The following ARHGAP35 variants were observed in gnomAD, a reference collection of about 807,000 sequenced individuals.
The protein encoded by ARHGAP35 is rho GTPase-activating protein 35.
ARHGAP35 carries 15 observed loss-of-function variants against 111.1 expected under a neutral mutation model. The ratio of observed to expected loss-of-function variants is 0.13; its 90% CI spans 0.09 to 0.21. The LOEUF is 0.21. ARHGAP35 is among the 10% of genes least tolerant of loss of function. The probability of loss-of-function intolerance (pLI) is 1.00; values close to 1 mark genes in which losing one functional copy is unlikely to be tolerated. For synonymous variants in ARHGAP35, 643 were observed against 710.3 expected (o/e 0.91, Z 1.51); for missense variants, 1,262 against 1,873.0 (o/e 0.67, Z 6.02).
intron 3 of ARHGAP35, among the ~76,000 whole-genome samples, chr19:46,974,694 T>C (rs2122301681): frequency 6.6e-6 from 1 of 152,210 alleles, no homozygotes; most frequent in Admixed American, 6.5e-5. Flanking sequence ...TCATTGGCCA[T>C]TGGTGATTGA....
rs187835369 is a variant in ARHGAP35, at chr19:46,916,769, C to A, written c.-188-1719C>A. On this transcript the variant is annotated intron_variant, in intron 1 of 6. Transcript: ENST00000672722. ...TCATGTGTTGTTAACAATTTACCACCCCATTTGTGTTCTTACTCTTTCTGT... is the reference window on the plus strand; with the variant it reads ...TCATGTGTTGTTAACAATTTACCACACCATTTGTGTTCTTACTCTTTCTGT... Among the ~76,000 whole-genome samples the A allele has an allele frequency of 2.4e-3, 369 of 151,914 alleles. 1 individual carries two copies. The highest frequency in any genetic ancestry group is 8.5e-3 in the African/African-American group (350 of 41,394).
At chr19:46,950,286 T>A (rs551662943) in intron 3 of ARHGAP35, among the ~76,000 whole-genome samples, 2 of 152,380 alleles carry the variant, frequency 1.3e-5, no homozygotes, top group East Asian at 3.9e-4. Flanking sequence ...TAGACTTTCA[T>A]CATGTGAATA....
rs2056686757 is a variant in ARHGAP35, at chr19:46,992,895, T to A, written c.4036+3220T>A. ...CTAGGTTACCAGGGGACGGCCCTGC[T>A]GCTCTCTGGGCTCTTGTTCACCAGC... On this transcript the variant is annotated intron_variant, in intron 5 of 6. Coordinates refer to ENST00000672722, the MANE Select transcript of ARHGAP35 (RefSeq NM_004491.5). This position sits in a 1 kb window ranked among gnomAD's most constrained non-coding sequence, Gnocchi z 4.4. Among the ~76,000 whole-genome samples, 1 of 152,222 alleles carries A rather than the reference T, an allele frequency of 6.6e-6. No individual in the cohort carries two copies. The highest frequency in any genetic ancestry group is 1.5e-5 in the Non-Finnish European group (1 of 68,030).
chr19:46,998,953 T>C, intron 5 of ARHGAP35: 1 of 231,822 alleles, frequency 4.3e-6, no homozygotes, highest in Non-Finnish European at 8.4e-6. Flanking sequence ...GCAAGCAGGC[T>C]TTCTGCGTAG....
At chr19:46,879,085 A>G (rs1339104041) in intron 1 of ARHGAP35, among the ~76,000 whole-genome samples, 2 of 152,214 alleles carry the variant, frequency 1.3e-5, no homozygotes, top group Admixed American at 6.6e-5. Flanking sequence ...CAGCTAAGCT[A>G]TGTAATACTC....
intron 1 of ARHGAP35, among the ~76,000 whole-genome samples, chr19:46,884,789 A>T (rs974035370): frequency 6.6e-6 from 1 of 152,124 alleles, no homozygotes; most frequent in Non-Finnish European, 1.5e-5. Flanking sequence ...GTGCAGTGGC[A>T]TGATCATGGC....
At position 46,942,251 on chromosome 19, in the gene ARHGAP35, C is replaced by A. The variant is rs181561901; in HGVS notation, c.3826+4843C>A. 2.2e-3 allele frequency among the ~76,000 whole-genome samples: 338 copies of A among 152,340 alleles called. 1 individual carries two copies. Among genetic ancestry groups the A allele is most frequent in the African/African-American group, 7.6e-3 (316 of 41,582 alleles). On this transcript the variant is annotated intron_variant, in intron 3 of 6. Coordinates refer to ENST00000672722, the MANE Select transcript of ARHGAP35 (RefSeq NM_004491.5). Reference sequence around the variant, plus strand: ...TGAGATGTTTCTTGTAGTCTTATTTCTCTGCATATACACATATATTTATTT... The same window carrying A: ...TGAGATGTTTCTTGTAGTCTTATTTATCTGCATATACACATATATTTATTT...
intron 1 of ARHGAP35, among the ~76,000 whole-genome samples, chr19:46,909,439 A>G (rs1421016138): frequency 6.6e-6 from 1 of 152,120 alleles, no homozygotes; most frequent in African/African-American, 2.4e-5. Context: ...ATTTATAGAG[A>G]GTATAGTGAG....
At chr19:46,928,366 A>C (rs2056250799) in intron 2 of ARHGAP35, among the ~76,000 whole-genome samples, 1 of 152,222 alleles carries the variant, frequency 6.6e-6, no homozygotes, top group Admixed American at 6.5e-5. Flanking sequence ...AAATTATTCC[A>C]GCTCTAGTCA....
At chr19:46,996,571 G>A (rs1025633307) in intron 5 of ARHGAP35, among the ~76,000 whole-genome samples, 6 of 152,092 alleles carry the variant, frequency 3.9e-5, no homozygotes, top group East Asian at 1.9e-4. Context: ...GCCAGAGGAC[G>A]GGATGAGACC....
At position 47,001,197 on chromosome 19, in the gene ARHGAP35, C is replaced by T. The variant is rs367882331; in HGVS notation, c.*509C>T. 4.9e-5 allele frequency: 61 copies of T among 1,256,424 alleles called. No homozygotes were observed. Among genetic ancestry groups the T allele is most frequent in the African/African-American group, 1.1e-4 (7 of 64,636 alleles). 77.8% of individuals were successfully genotyped at this position (1,256,424 alleles called of 1,614,324 possible). ...GCCCGGCTGGCGGCCTCCTTGGGAA[C>T]GTGTAGGCCACGGCTCTGCCACCAC... On this transcript the variant is annotated 3_prime_UTR_variant, in exon 7 of 7. Transcript: ENST00000672722. This position sits in a 1 kb window ranked among gnomAD's most constrained non-coding sequence, Gnocchi z 5.4.
In ARHGAP35 at chr19:46,937,341, T is replaced by A. The variant is rs773837801; in HGVS notation, c.3759T>A (p.Thr1253=). 2 of 1,613,874 alleles carry A rather than the reference T, an allele frequency of 1.2e-6. No individual in the cohort carries two copies. Among genetic ancestry groups the A allele is most frequent in the African/African-American group, 2.7e-5 (2 of 74,940 alleles). ...ACTATTTTGGGGTGCCCTTAACAAC[T>A]GTCGTGACTCCAGAGAAGCCGATCC... ...ESNYFGVPLT[T]VVTPEKPIPI... Residue 1253 remains threonine (T), a synonymous_variant, in exon 3 of 7, where the codon ACT becomes ACA. Transcript: ENST00000672722.
intron 1 of ARHGAP35, among the ~76,000 whole-genome samples, chr19:46,865,591 G>A (rs2055851320): frequency 6.6e-6 from 1 of 152,202 alleles, no homozygotes; most frequent in Non-Finnish European, 1.5e-5. Context: ...TTGCACAGGT[G>A]ACAGTAAACC....
rs549650145 is a variant in ARHGAP35 at position 46,868,056 on chromosome 19, C to T, written c.-189+6847C>T. On this transcript the variant is annotated intron_variant, in intron 1 of 6. Transcript: ENST00000672722. ...CTAGTTTTTATATTTTTAGTAGAGA[C>T]GGGGTTTTGCCATGTTGGCCAGCCT... 8.7e-4 allele frequency among the ~76,000 whole-genome samples: 132 copies of T among 152,060 alleles called. 1 individual carries two copies. Among genetic ancestry groups the T allele is most frequent in the Admixed American group, 6.7e-3 (103 of 15,262 alleles).
intron 3 of ARHGAP35, among the ~76,000 whole-genome samples, chr19:46,976,943 T>C (rs1029769612): frequency 6.6e-6 from 1 of 152,190 alleles, no homozygotes; most frequent in African/African-American, 2.4e-5. Context: ...CATGCCTCTA[T>C]AACCCCTGTC....
At chr19:46,885,908 A>G (rs1250295152) in intron 1 of ARHGAP35, among the ~76,000 whole-genome samples, 1 of 152,164 alleles carries the variant, frequency 6.6e-6, no homozygotes, top group Non-Finnish European at 1.5e-5. Flanking sequence ...CTGGGGCTAC[A>G]AGTGTGTGCC....
At chr19:46,870,038 C>T (rs967879201) in intron 1 of ARHGAP35, among the ~76,000 whole-genome samples, 8 of 148,740 alleles carry the variant, frequency 5.4e-5, no homozygotes, top group African/African-American at 2.0e-4. Flanking sequence ...GCTCCGCCTT[C>T]TGGGTTCACG....
At position 46,878,895 on chromosome 19, in the gene ARHGAP35, G is replaced by T. The variant is rs961871165; in HGVS notation, c.-189+17686G>T. 2.6e-5 allele frequency among the ~76,000 whole-genome samples: 4 copies of T among 152,312 alleles called. No individual in the cohort carries two copies. In the East Asian group the frequency reaches 5.8e-4, roughly 22 times the overall value. Reference sequence around the variant, plus strand: ...TGACTCATGGTGGTGGTTACTGAAGGTTGGGCTGGCTGCAGCAGTTTGTTA... The same window carrying T: ...TGACTCATGGTGGTGGTTACTGAAGTTTGGGCTGGCTGCAGCAGTTTGTTA... On this transcript the variant is annotated intron_variant, in intron 1 of 6. Coordinates refer to ENST00000672722, the MANE Select transcript of ARHGAP35 (RefSeq NM_004491.5).
Position 46,945,151 on chromosome 19 carries a change from G to A in ARHGAP35, c.3826+7743G>A, listed in dbSNP as rs1038517717. Among the ~76,000 whole-genome samples the A allele has an allele frequency of 6.6e-6, 1 of 152,232 alleles. No individual in the cohort carries two copies. The highest frequency in any genetic ancestry group is 1.9e-4 in the East Asian group (1 of 5,200). On this transcript the variant is annotated intron_variant, in intron 3 of 6. Coordinates refer to ENST00000672722, the MANE Select transcript of ARHGAP35 (RefSeq NM_004491.5). This position sits in a 1 kb window ranked among gnomAD's most constrained non-coding sequence, Gnocchi z 4.1. The stretch of plus-strand genomic sequence containing the variant: ...ACAGCTGCTCTGGGACCGCCACTGA[G>A]AGTGGGAAGGAGGCGGGGTTGAGGG...
Sources: gnomAD v4.1 joint callset for allele counts (sites outside exome capture counted in the v4.1 genomes callset) on GRCh38, gnomAD v4.1.1 for gene constraint, Gnocchi (gnomAD v3.1) non-coding constraint, MANE v1.5 for transcripts, NCBI Gene and HGNC (gene_info 2026-07-23, HGNC 2026-07-21) for gene names.